The following PRELID2 variants were observed in gnomAD, a reference collection of about 807,000 sequenced individuals.
The protein encoded by PRELID2 is PRELI domain-containing protein 2.
PRELID2 carries 25 observed loss-of-function variants against 28.4 expected under a neutral mutation model. That is an observed-to-expected ratio of 0.88 (90% CI 0.64 to 1.23). The LOEUF is 1.23. PRELID2 is among the 50% of genes most tolerant of loss of function. The pLI is 0.00. For missense variants in PRELID2, 201 were observed against 214.4 expected, an observed-to-expected ratio of 0.94 and a Z score of 0.39; for synonymous variants, 76 against 71.6, an observed-to-expected ratio of 1.06 and a Z score of -0.31.
At chr5:145,440,840 A>T in the PRELID2 span, 1 of 151,964 alleles carries the variant, frequency 6.6e-6, no homozygotes, top group Non-Finnish European at 1.5e-5. Flanking sequence ...TAAGGGGAAA[A>T]TTATACATCT....
At chr5:145,249,955 C>CTCTT in the PRELID2 span, among the ~76,000 whole-genome samples, 2,850 of 151,700 alleles carry the variant, frequency 0.019, 90 homozygotes, top group African/African-American at 0.064. Context: ...CTCTCTCTCT[C>CTCTT]TCTCTCTCTC....
chr5:145,741,130 A>T (rs1373951702), intron 1 of PRELID2, among the ~76,000 whole-genome samples: 1 of 116,738 alleles, frequency 8.6e-6, no homozygotes, highest in African/African-American at 3.5e-5. Flanking sequence ...TATAATATAT[A>T]AATATATAAT....
At chr5:145,720,460 A>G (rs1755957164) in intron 1 of PRELID2, among the ~76,000 whole-genome samples, 1 of 152,024 alleles carries the variant, frequency 6.6e-6, no homozygotes, top group African/African-American at 2.4e-5. Flanking sequence ...TTTGCAAGAA[A>G]TTCAAGAGGA....
chr5:145,391,902 A>G, the PRELID2 span, among the ~76,000 whole-genome samples: 11 of 152,260 alleles, frequency 7.2e-5, no homozygotes, highest in African/African-American at 2.4e-4. Context: ...CAAGTTCCCA[A>G]GAAGTTCCTC....
At chr5:145,434,268 ATTAAGCAGGAAGG>A in the PRELID2 span, among the ~76,000 whole-genome samples, 1 of 152,232 alleles carries the variant, frequency 6.6e-6, no homozygotes, top group Non-Finnish European at 1.5e-5. Flanking sequence ...CTACTAAATC[ATTAAGCAGGAAGG>A]TTTGAGCAAA....
chr5:145,420,181 T>G, the PRELID2 span, among the ~76,000 whole-genome samples: 2 of 152,156 alleles, frequency 1.3e-5, no homozygotes, highest in Non-Finnish European at 2.9e-5. Context: ...TCCAGCTTTG[T>G]TCTTTTGGCT....
chr5:145,265,895 ATT>A, the PRELID2 span, among the ~76,000 whole-genome samples: 1 of 152,194 alleles, frequency 6.6e-6, no homozygotes, highest in African/African-American at 2.4e-5. Context: ...CTAGACATTG[ATT>A]TAGGCAAAGA....
the PRELID2 span, among the ~76,000 whole-genome samples, chr5:145,308,243 C>A: frequency 6.6e-6 from 1 of 152,172 alleles, no homozygotes; most frequent in South Asian, 2.1e-4. Flanking sequence ...CATATATATC[C>A]TGTCCATATG....
chr5:145,817,434 T>TTTATATATATATATATAA (rs1554099454), intron 4 of PRELID2, among the ~76,000 whole-genome samples: 7 of 135,614 alleles, frequency 5.2e-5, no homozygotes, highest in South Asian at 2.3e-4. Flanking sequence ...TATATATATA[T>TTTATATATATATATATAA]ATATATATAT....
chr5:145,618,389 T>C (rs1184011057), intron 1 of PRELID2, among the ~76,000 whole-genome samples: 2 of 152,224 alleles, frequency 1.3e-5, no homozygotes, highest in Non-Finnish European at 2.9e-5. Flanking sequence ...TGATGTAGTA[T>C]TCTCCCTCTT....
chr5:145,537,503 T>A (rs1040616462), intron 1 of PRELID2, among the ~76,000 whole-genome samples: 4 of 152,104 alleles, frequency 2.6e-5, no homozygotes, highest in East Asian at 3.9e-4. Context: ...GTCTTTTTGA[T>A]AGTAGCCATT....
the PRELID2 span, among the ~76,000 whole-genome samples, chr5:145,408,156 C>T: frequency 1.3e-5 from 2 of 152,020 alleles, no homozygotes; most frequent in Non-Finnish European, 2.9e-5. Flanking sequence ...AACCGCAGCC[C>T]TTGAGGTTTA....
intron 4 of PRELID2, among the ~76,000 whole-genome samples, chr5:145,811,443 A>G (rs1404681725): frequency 2.0e-5 from 3 of 152,138 alleles, no homozygotes; most frequent in Non-Finnish European, 4.4e-5. Context: ...ATGTGGCACC[A>G]TGCTCGGCTA....
the PRELID2 span, among the ~76,000 whole-genome samples, chr5:145,418,635 T>C: frequency 2.6e-5 from 4 of 152,130 alleles, no homozygotes; most frequent in African/African-American, 9.7e-5. Context: ...AAACAACCAA[T>C]GGGGAAAGAA....
At chr5:145,262,010 A>G in the PRELID2 span, among the ~76,000 whole-genome samples, 13 of 152,300 alleles carry the variant, frequency 8.5e-5, no homozygotes, top group African/African-American at 3.1e-4. Flanking sequence ...AACAATCACT[A>G]CATCCAGAAT....
At chr5:145,298,273 T>C in the PRELID2 span, among the ~76,000 whole-genome samples, 5 of 152,016 alleles carry the variant, frequency 3.3e-5, no homozygotes, top group Admixed American at 2.0e-4. Context: ...AAAACAGAGA[T>C]ACAGATCAAT....
At chr5:145,392,733 G>A in the PRELID2 span, among the ~76,000 whole-genome samples, 3 of 151,318 alleles carry the variant, frequency 2.0e-5, no homozygotes, top group East Asian at 5.9e-4. Context: ...AAGGAAGAAA[G>A]GAAGGAAGGA....
At chr5:145,418,741 T>A in the PRELID2 span, among the ~76,000 whole-genome samples, 1 of 148,966 alleles carries the variant, frequency 6.7e-6, no homozygotes, top group Admixed American at 6.8e-5. Context: ...AATTTTTTTT[T>A]ATTATACTTT....
intron 1 of PRELID2, among the ~76,000 whole-genome samples, chr5:145,644,311 T>C (rs1006153550): frequency 2.6e-5 from 4 of 152,224 alleles, no homozygotes; most frequent in East Asian, 1.9e-4. Context: ...GAGGTATTTA[T>C]AGTATTCTCC....
Sources: gnomAD v4.1 joint callset for allele counts (sites outside exome capture counted in the v4.1 genomes callset) on GRCh38, gnomAD v4.1.1 for gene constraint, MANE v1.5 for transcripts, NCBI Gene and HGNC (gene_info 2026-07-23, HGNC 2026-07-21) for gene names.